Variants in RAD51B observed in about 807,000 individuals in gnomAD.
RAD51B encodes DNA repair protein RAD51 homolog 2.
RAD51B carries 38 observed loss-of-function variants against 42.2 expected under a neutral mutation model. The observed-to-expected ratio is 0.90, with a 90% CI of 0.70 to 1.18. The LOEUF (loss-of-function observed/expected upper bound fraction) is 1.18, where lower values mean the gene tolerates loss of function less well. RAD51B is among the 50% of genes most tolerant of loss of function. The pLI, the probability that RAD51B is intolerant of heterozygous loss-of-function variation, is 0.00. For missense variants in RAD51B, 373 were observed against 400.7 expected (o/e 0.93, Z 0.59); for synonymous variants, 154 against 145.2 (o/e 1.06, Z -0.43).
At chr14:68,669,766 C>T (rs966101504) in intron 11 of RAD51B, among the ~76,000 whole-genome samples, 1 of 152,164 alleles carries the variant, frequency 6.6e-6, no homozygotes, top group Non-Finnish European at 1.5e-5. Flanking sequence ...TCACATGGCC[C>T]CTGGCCTTCT....
chr14:68,321,670 T>TA (rs34659939), intron 8 of RAD51B, among the ~76,000 whole-genome samples: 2 of 152,134 alleles, frequency 1.3e-5, no homozygotes, highest in East Asian at 1.9e-4. Flanking sequence ...GCCCTTTCTG[T>TA]AAAAAAAGGC....
chr14:68,365,905 C>A (rs1396879743), intron 8 of RAD51B, among the ~76,000 whole-genome samples: 2 of 152,010 alleles, frequency 1.3e-5, no homozygotes, highest in Admixed American at 6.5e-5. Flanking sequence ...CTTTTCATTT[C>A]CTGACTTTTT....
At chr14:68,416,000 CTT>C (rs1327886936) in intron 9 of RAD51B, among the ~76,000 whole-genome samples, 2 of 151,930 alleles carry the variant, frequency 1.3e-5, no homozygotes, top group East Asian at 3.8e-4. Flanking sequence ...TTTAAATGAA[CTT>C]TCTAATAATA....
chr14:67,856,283 G>A (rs2041998120), intron 4 of RAD51B, among the ~76,000 whole-genome samples: 1 of 152,102 alleles, frequency 6.6e-6, no homozygotes, highest in East Asian at 1.9e-4. Context: ...TCTTCCACAT[G>A]TTGGTGTAAA....
chr14:68,037,050 T>C (rs1481344180), intron 7 of RAD51B, among the ~76,000 whole-genome samples: 36 of 52,488 alleles, frequency 6.9e-4, no homozygotes, highest in African/African-American at 2.9e-3. Flanking sequence ...CTCCCTTCCT[T>C]CCTTCCTTCC....
At chr14:68,167,082 T>A (rs2078768424) in intron 7 of RAD51B, among the ~76,000 whole-genome samples, 1 of 152,174 alleles carries the variant, frequency 6.6e-6, no homozygotes, top group African/African-American at 2.4e-5. Flanking sequence ...AAAATGCAAA[T>A]CATAGAATAT....
intron 7 of RAD51B, among the ~76,000 whole-genome samples, chr14:68,067,709 T>C (rs2076676412): frequency 6.6e-6 from 1 of 151,450 alleles, no homozygotes; most frequent in East Asian, 1.9e-4. Flanking sequence ...GGCCAAGGAT[T>C]GCTTGAGGCC....
intron 10 of RAD51B, among the ~76,000 whole-genome samples, chr14:68,646,328 A>G (rs17106082): frequency 0.011 from 1,662 of 152,306 alleles, 26 homozygotes; most frequent in African/African-American, 0.037. Context: ...ATCATTTACA[A>G]AGTTTTGACT....
chr14:68,151,079 T>G (rs1458452622), intron 7 of RAD51B, among the ~76,000 whole-genome samples: 1 of 151,994 alleles, frequency 6.6e-6, no homozygotes, highest in Non-Finnish European at 1.5e-5. Context: ...CTCTATCAGG[T>G]CTTGTGGTGT....
chr14:67,910,282 A>T (rs1451181554), intron 7 of RAD51B, among the ~76,000 whole-genome samples: 1 of 133,448 alleles, frequency 7.5e-6, no homozygotes, highest in Non-Finnish European at 1.5e-5. Flanking sequence ...TTCTGCTTTA[A>T]CTTATAAATA....
At chr14:68,097,496 A>G (rs547871428) in intron 7 of RAD51B, among the ~76,000 whole-genome samples, 2 of 152,334 alleles carry the variant, frequency 1.3e-5, no homozygotes, top group Admixed American at 1.3e-4. Flanking sequence ...CCTCCCAAGT[A>G]AACTAGTCAC....
intron 8 of RAD51B, among the ~76,000 whole-genome samples, chr14:68,403,655 G>A (rs899067083): frequency 4.6e-5 from 7 of 152,274 alleles, no homozygotes; most frequent in Admixed American, 1.3e-4. Context: ...TGAGAAATTC[G>A]TCTTCATAAC....
At chr14:68,207,797 A>G (rs2079623141) in intron 7 of RAD51B, among the ~76,000 whole-genome samples, 1 of 152,146 alleles carries the variant, frequency 6.6e-6, no homozygotes, top group Non-Finnish European at 1.5e-5. Flanking sequence ...TTTGGATTTG[A>G]TATTTGGTTA....
At chr14:68,415,825 T>A (rs1199251011) in intron 9 of RAD51B, among the ~76,000 whole-genome samples, 1 of 152,204 alleles carries the variant, frequency 6.6e-6, no homozygotes, top group Non-Finnish European at 1.5e-5. Flanking sequence ...TGAAGTCTGG[T>A]CTTACAAACT....
chr14:67,914,624 T>C (rs1051091684), intron 7 of RAD51B, among the ~76,000 whole-genome samples: 1 of 152,234 alleles, frequency 6.6e-6, no homozygotes, highest in African/African-American at 2.4e-5. Context: ...GGAGAGACTT[T>C]CATTGCACTG....
intron 10 of RAD51B, among the ~76,000 whole-genome samples, chr14:68,588,989 C>G (rs1890616659): frequency 6.6e-6 from 1 of 152,180 alleles, no homozygotes; most frequent in Admixed American, 6.5e-5. Flanking sequence ...GAAAGGAGGG[C>G]AGGTCAGCTC....
At chr14:68,148,171 TC>T (rs2078295101) in intron 7 of RAD51B, among the ~76,000 whole-genome samples, 1 of 152,352 alleles carries the variant, frequency 6.6e-6, no homozygotes, top group African/African-American at 2.4e-5. Context: ...CATTACTTTT[TC>T]CTGCAAAGTA....
At chr14:67,938,801 A>G (rs1358953773) in intron 7 of RAD51B, among the ~76,000 whole-genome samples, 3 of 152,214 alleles carry the variant, frequency 2.0e-5, no homozygotes, top group Non-Finnish European at 4.4e-5. Context: ...ATGACTCTTG[A>G]GAAAATGGTC....
intron 8 of RAD51B, among the ~76,000 whole-genome samples, chr14:68,364,460 G>C (rs1417659727): frequency 6.6e-6 from 1 of 152,130 alleles, no homozygotes; most frequent in East Asian, 1.9e-4. Context: ...CCTCCTTCCC[G>C]CTGTGCCTGG....
Sources: allele counts gnomAD v4.1 joint callset (sites outside exome capture counted in the v4.1 genomes callset), GRCh38; gene constraint gnomAD v4.1.1; transcripts MANE v1.5; gene names NCBI Gene and HGNC (gene_info 2026-07-23, HGNC 2026-07-21).